The following GFM1 variants were observed in gnomAD, a reference collection of about 807,000 sequenced individuals.
The protein encoded by GFM1 is elongation factor G, mitochondrial.
A neutral mutation model predicts 96.2 loss-of-function variants in GFM1; 62 were observed. The ratio of observed to expected loss-of-function variants is 0.64; its 90% CI spans 0.53 to 0.80. The LOEUF (loss-of-function observed/expected upper bound fraction) is 0.80, where lower values mean the gene tolerates loss of function less well. GFM1 is among the 30% of genes least tolerant of loss of function. The pLI is 0.00. For missense variants in GFM1, 852 were observed against 916.6 expected (o/e 0.93, Z 0.91); for synonymous variants, 282 against 312.9 (o/e 0.90, Z 1.04).
intron 8 of GFM1, 52 bp downstream of exon 8, chr3:158,654,683 C>A (rs780884783): frequency 7.7e-6 from 9 of 1,175,566 alleles, no homozygotes; most frequent in Non-Finnish European, 1.2e-5. Context: ...GTTTTTACTT[C>A]TAGGCTTTAT....
chr3:158,677,509 C>T (rs1725002358), intron 13 of GFM1, among the ~76,000 whole-genome samples: 2 of 151,352 alleles, frequency 1.3e-5, no homozygotes, highest in African/African-American at 4.9e-5. Context: ...TTTCTTTTTT[C>T]TTTTTTTTTG....
intron 16 of GFM1, 101 bp downstream of exon 16, chr3:158,690,424 T>C (rs570491602): frequency 1.9e-4 from 218 of 1,177,488 alleles, no homozygotes; most frequent in Non-Finnish European, 2.5e-4. Flanking sequence ...CTTGCTGAAT[T>C]TGTGGCTTTA....
At chr3:158,649,270 G>T (rs1308543777) in intron 5 of GFM1, 113 bp downstream of exon 5, 1 of 637,232 alleles carries the variant, frequency 1.6e-6, no homozygotes, top group African/African-American at 1.9e-5. Flanking sequence ...GCGACTGCAA[G>T]AATACTCTGA....
At position 158,690,444 on chromosome 3, in the gene GFM1, C is replaced by T. The variant is rs1215328698; in HGVS notation, c.2070+121C>T. 1.4e-5 allele frequency: 13 copies of T among 927,012 alleles called. No homozygotes were observed. In the East Asian group the frequency reaches 3.1e-4, roughly 22 times the overall value. 57.4% of individuals were successfully genotyped at this position (927,012 alleles called of 1,614,324 possible). On this transcript the variant is annotated intron_variant, in intron 16 of 17. Coordinates refer to ENST00000486715, the MANE Select transcript of GFM1 (RefSeq NM_024996.7). ...TGAATTTGTGGCTTTATACATGTGG[C>T]ATTTTCTGTAATTTGCTATTAAAGC...
chr3:158,649,085 G>T lies in GFM1; in HGVS notation c.617G>T (p.Gly206Val). 6.3e-7 allele frequency: 1 copy of T among 1,575,580 alleles called. No homozygotes were observed. Among genetic ancestry groups the T allele is most frequent in the Non-Finnish European group, 8.7e-7 (1 of 1,145,280 alleles). ...GCAGCGTTTATGCAGATACCCATGG[G>T]TTTGGAGGGTAATTTTAAAGGTATT... The part of the protein sequence containing the change: ...HNAAFMQIPM[G>V]LEGNFKGIVD... The change falls in exon 5 of 18, where the codon GGT becomes GTT. Residue 206 changes from glycine to valine, a missense_variant. By Grantham distance (109) the Gly-to-Val change is moderately radical (BLOSUM62 -3). Transcript: ENST00000486715.
At chr3:158,651,559 G>A (rs1000937577) in intron 5 of GFM1, among the ~76,000 whole-genome samples, 3 of 152,182 alleles carry the variant, frequency 2.0e-5, no homozygotes, top group Non-Finnish European at 2.9e-5. Context: ...TAAGTATTCA[G>A]TAAATGGATG....
intron 13 of GFM1, chr3:158,669,762 T>G: frequency 1.4e-6 from 1 of 692,826 alleles, no homozygotes. Flanking sequence ...TAATTGGGCC[T>G]GGCCTATTAA....
rs903171031 is a variant in GFM1 at position 158,693,967 on chromosome 3, T to C, written c.*2500T>C. Among the ~76,000 whole-genome samples the C allele has an allele frequency of 2.6e-5, 4 of 152,198 alleles. No individual in the cohort carries two copies. The highest frequency in any genetic ancestry group is 5.9e-5 in the Non-Finnish European group (4 of 68,026). On this transcript the variant is annotated 3_prime_UTR_variant, in exon 18 of 18. Coordinates refer to ENST00000486715, the MANE Select transcript of GFM1 (RefSeq NM_024996.7). ...ATCTGTGAAATTCAGGAGTGTCATATTGTATTCTTTTGTGTGATATTAGAG... is the reference window on the plus strand; with the variant it reads ...ATCTGTGAAATTCAGGAGTGTCATACTGTATTCTTTTGTGTGATATTAGAG...
intron 15 of GFM1, chr3:158,684,995 C>CAA (rs1725719775): frequency 5.2e-6 from 1 of 192,824 alleles, no homozygotes; most frequent in Non-Finnish European, 9.4e-6. Flanking sequence ...GGTATCTTAA[C>CAA]TACAGTCTTA....
rs953789477 is a variant in GFM1, at chr3:158,694,155, A to G, written c.*2688A>G. On this transcript the variant is annotated 3_prime_UTR_variant, in exon 18 of 18. Transcript: ENST00000486715. The stretch of plus-strand genomic sequence containing the variant: ...ACACATTCATTGCAGAACTGTTCAT[A>G]ATGGCAAAGATATGGAATCAACCTA... Among the ~76,000 whole-genome samples the G allele has an allele frequency of 1.2e-4, 18 of 152,294 alleles. No individual in the cohort carries two copies. The highest frequency in any genetic ancestry group is 4.1e-4 in the African/African-American group (17 of 41,560).
In GFM1 at chr3:158,687,881, A is replaced by G. The variant is rs1034649399; in HGVS notation, c.1910-2282A>G. Among the ~76,000 whole-genome samples, 7 of 152,326 alleles carry G rather than the reference A, an allele frequency of 4.6e-5. No individual in the cohort carries two copies. The East Asian group carries it at 1.2e-3, about 25-fold the overall frequency. The stretch of plus-strand genomic sequence containing the variant: ...CCTGATTAAAAAAAGACAAAAATAT[A>G]AAAGTCAGGTGAAAGGAAGTTCTTG... On this transcript the variant is annotated intron_variant, in intron 15 of 17. Coordinates refer to ENST00000486715, the MANE Select transcript of GFM1 (RefSeq NM_024996.7).
intron 13 of GFM1, among the ~76,000 whole-genome samples, chr3:158,673,037 C>T (rs75562459): frequency 0.01 from 1,571 of 152,218 alleles, 15 homozygotes; most frequent in Non-Finnish European, 0.014. Flanking sequence ...TGATTCGATT[C>T]CTTCATTTCC....
chr3:158,660,553 A>G lies in GFM1; in HGVS notation c.1222-321A>G, dbSNP rs184609675. On this transcript the variant is annotated intron_variant, in intron 9 of 17. Transcript: ENST00000486715. The stretch of plus-strand genomic sequence containing the variant: ...ATGAGACACCATGCCCCGCCAGTAC[A>G]TGCCTTTTAATTCCATAGAAATAAC... 895 of 338,304 alleles carry G rather than the reference A, an allele frequency of 2.6e-3. 8 individuals are homozygous for G. Among genetic ancestry groups the G allele is most frequent in the African/African-American group, 0.018 (856 of 46,450 alleles). The allele number at this position is 338,304 out of a possible 1,614,324, so 21.0% of individuals were successfully genotyped here.
At chr3:158,665,985 T>C (rs1723636807) in intron 12 of GFM1, among the ~76,000 whole-genome samples, 1 of 152,202 alleles carries the variant, frequency 6.6e-6, no homozygotes. Context: ...GAAGTTGAGA[T>C]AGAAAATCCT....
Position 158,691,438 on chromosome 3 carries a change from C to T in GFM1, c.2227C>T (p.Pro743Ser), listed in dbSNP as rs771206150. The T allele has an allele frequency of 3.7e-6, 6 of 1,613,770 alleles. No individual in the cohort carries two copies. The Admixed American group carries it at 6.7e-5, about 18-fold the overall frequency. Reference protein sequence around the residue: ...NKYLEATGQLPVKKGKAKN With the variant: ...NKYLEATGQLSVKKGKAKN ...GTATTTGGAAGCTACAGGTCAACTT[C>T]CTGTTAAAAAAGGAAAAGCCAAGAA... Residue 743 changes from proline (P) to serine (S), a missense_variant, in exon 18 of 18, where the codon CCT becomes TCT. By Grantham distance (74) the Pro-to-Ser change is moderately conservative. Coordinates refer to ENST00000486715, the MANE Select transcript of GFM1 (RefSeq NM_024996.7).
intron 13 of GFM1, among the ~76,000 whole-genome samples, chr3:158,678,472 C>A (rs895140137): frequency 1.3e-5 from 2 of 152,062 alleles, no homozygotes; most frequent in Non-Finnish European, 2.9e-5. Context: ...TGATTCCAAC[C>A]CTCATGGATG....
intron 13 of GFM1, chr3:158,666,604 C>T: frequency 4.6e-6 from 7 of 1,535,090 alleles, no homozygotes; most frequent in Non-Finnish European, 6.3e-6. Flanking sequence ...TTGGCATACA[C>T]ATCAATAGAC....
At chr3:158,684,689 TTAGCCTGTCTGTTTTCCTGA>T (rs772290722) in intron 15 of GFM1, 21 bp downstream of exon 15, 1 of 1,613,040 alleles carries the variant, frequency 6.2e-7, no homozygotes, top group African/African-American at 1.3e-5. Context: ...TCCGGGCACC[TTAGCCTGTCTGTTTTCCTGA>T]TAGATCATCA....
At position 158,695,036 on chromosome 3, in the gene GFM1, A is replaced by G. The variant is rs984406333; in HGVS notation, c.*3569A>G. ...TCTGTTTTATTAGCTAGTGAAACCA[A>G]TGTTGGTAAAATTAAGTTAACAATT... On this transcript the variant is annotated 3_prime_UTR_variant, in exon 18 of 18. Transcript: ENST00000486715. Among the ~76,000 whole-genome samples, 8 of 152,228 alleles carry G rather than the reference A, an allele frequency of 5.3e-5. No individual in the cohort carries two copies. The highest frequency in any genetic ancestry group is 1.4e-4 in the African/African-American group (6 of 41,464).
Sources: allele counts gnomAD v4.1 joint callset (sites outside exome capture counted in the v4.1 genomes callset), GRCh38; gene constraint gnomAD v4.1.1; transcripts MANE v1.5; gene names NCBI Gene and HGNC (gene_info 2026-07-23, HGNC 2026-07-21).